The following CASK variants were observed in gnomAD, a reference collection of about 807,000 sequenced individuals.
CASK encodes the protein peripheral plasma membrane protein CASK.
CASK carries 4 observed loss-of-function variants against 82.9 expected under a neutral mutation model. The ratio of observed to expected loss-of-function variants is 0.05; its 90% CI spans 0.02 to 0.11. The LOEUF is 0.11. Ranked by LOEUF, CASK falls within the 10% of genes least tolerant of loss-of-function variation. The probability of loss-of-function intolerance (pLI) is 1.00; values close to 1 mark genes in which losing one functional copy is unlikely to be tolerated. For synonymous variants in CASK, 259 were observed against 253.5 expected, an observed-to-expected ratio of 1.02 and a Z score of -0.20; for missense variants, 358 against 720.9, an observed-to-expected ratio of 0.50 and a Z score of 5.76.
chrX:41,610,955 T>C (rs2066035346), intron 11 of CASK, among the ~76,000 whole-genome samples: 1 of 112,477 alleles, frequency 8.9e-6, no homozygotes, highest in East Asian at 2.8e-4. Context: ...ACTCTAAGAA[T>C]AAGTGTCTCA....
chrX:41,570,453 T>C lies in CASK; in HGVS notation c.1504-707A>G, dbSNP rs767581012. 3.6e-5 allele frequency among the ~76,000 whole-genome samples: 4 copies of C among 112,005 alleles called. 1 individual carries two copies. The East Asian group carries it at 1.1e-3, about 31-fold the overall frequency. On this transcript the variant is annotated intron_variant, in intron 15 of 26. Coordinates refer to ENST00000378163, the MANE Select transcript of CASK (RefSeq NM_001367721.1). Reference sequence around the variant, plus strand: ...TATTTAAAGTGTACAATTTGATAAGTTTGACATATGTATGAAACTATGGCC... The same window carrying C: ...TATTTAAAGTGTACAATTTGATAAGCTTGACATATGTATGAAACTATGGCC...
At chrX:41,894,281 C>G (rs763049939) in intron 1 of CASK, among the ~76,000 whole-genome samples, 1 of 110,561 alleles carries the variant, frequency 9.0e-6, no homozygotes, top group East Asian at 2.8e-4. Flanking sequence ...GACTCAACAG[C>G]AAGTTTAAGT....
At chrX:41,696,943 C>T in intron 5 of CASK, 1 of 347,016 alleles carries the variant, frequency 2.9e-6, no homozygotes, top group Non-Finnish European at 5.1e-6. Flanking sequence ...AAGGTACTAA[C>T]TTTTAAATCT....
rs1220565120 is a variant in CASK at position 41,743,519 on chromosome X, C to T, written c.356+2005G>A. 7.0e-5 allele frequency: 20 copies of T among 285,836 alleles called. No homozygotes were observed. The East Asian group carries it at 7.9e-4, about 11-fold the overall frequency. 23.6% of individuals were successfully genotyped at this position (285,836 alleles called of 1,213,427 possible). A position where few individuals can be genotyped will look rare whatever the true frequency, so the allele number is the denominator to read the frequency against. On this transcript the variant is annotated intron_variant, in intron 4 of 26. Coordinates refer to ENST00000378163, the MANE Select transcript of CASK (RefSeq NM_001367721.1). ...ACACATAAACTTTCATTTGCTCCTTCGCCCTAGCCCCAGCAGTACAAAAAC... is the reference window on the plus strand; with the variant it reads ...ACACATAAACTTTCATTTGCTCCTTTGCCCTAGCCCCAGCAGTACAAAAAC...
chrX:41,647,004 C>T, intron 8 of CASK, among the ~76,000 whole-genome samples: 1 of 111,713 alleles, frequency 9.0e-6, no homozygotes, highest in Middle Eastern at 4.6e-3. Context: ...TATCATAGGC[C>T]TAATTACTGT....
At chrX:41,614,367 T>C (rs1283483230) in intron 11 of CASK, among the ~76,000 whole-genome samples, 1 of 112,012 alleles carries the variant, frequency 8.9e-6, no homozygotes, top group Non-Finnish European at 1.9e-5. Context: ...AAAAATAAAA[T>C]AAAATAAAAT....
intron 22 of CASK, among the ~76,000 whole-genome samples, chrX:41,537,818 TTTATTATTATTATTATTA>T (rs55857120): frequency 1.0e-5 from 1 of 95,384 alleles, no homozygotes; most frequent in African/African-American, 3.7e-5. Context: ...GCCTATTACT[TTTATTATTATTATTATTA>T]TTATTATTAT....
chrX:41,759,590 G>A (rs983718752), intron 3 of CASK, among the ~76,000 whole-genome samples: 32 of 111,196 alleles, frequency 2.9e-4, no homozygotes, highest in African/African-American at 9.8e-4. Context: ...GAGAGTTCAG[G>A]TGTTGGGATG....
At chrX:41,723,861 A>AT (rs1286394912) in intron 5 of CASK, among the ~76,000 whole-genome samples, 1 of 112,271 alleles carries the variant, frequency 8.9e-6, no homozygotes, top group Non-Finnish European at 1.9e-5. Flanking sequence ...GTTTGCACCA[A>AT]TATTTGTATT....
At chrX:41,790,287 G>A in intron 2 of CASK, 1 of 634,427 alleles carries the variant, frequency 1.6e-6, no homozygotes, top group Non-Finnish European at 2.1e-6. Flanking sequence ...GGCTGGTCTT[G>A]AACTCCTGAC....
intron 5 of CASK, among the ~76,000 whole-genome samples, chrX:41,700,602 CAGGGT>C: frequency 1.2e-5 from 1 of 82,759 alleles, no homozygotes; most frequent in Non-Finnish European, 2.2e-5. Context: ...TTTTTTGAGA[CAGGGT>C]CTCACTCTGT....
At chrX:41,619,317 T>A (rs550639423) in intron 11 of CASK, among the ~76,000 whole-genome samples, 5 of 109,706 alleles carry the variant, frequency 4.6e-5, no homozygotes, top group African/African-American at 1.7e-4. Flanking sequence ...TTTTTTTTTT[T>A]AAATAGAGAT....
chrX:41,534,821 A>T, intron 23 of CASK, 35 bp from the exon 24 acceptor site: 7 of 1,157,401 alleles, frequency 6.0e-6, no homozygotes, highest in Non-Finnish European at 8.3e-6. Flanking sequence ...GTTAAAACTG[A>T]CAACTCTTAA....
At chrX:41,649,345 T>A (rs1170968444) in intron 8 of CASK, among the ~76,000 whole-genome samples, 1 of 111,957 alleles carries the variant, frequency 8.9e-6, no homozygotes, top group Non-Finnish European at 1.9e-5. Context: ...AATTGTGATG[T>A]TAGGGTGTCA....
chrX:41,787,550 C>CAAAA (rs778064917), intron 2 of CASK, among the ~76,000 whole-genome samples: 3 of 39,712 alleles, frequency 7.6e-5, no homozygotes, highest in Non-Finnish European at 1.0e-4. Context: ...TCCCCAAAAG[C>CAAAA]AAAAAAAAAA....
rs753066892 is a variant in CASK, at chrX:41,674,929, CA to C, written c.430-3400del. On this transcript the variant is annotated intron_variant, in intron 5 of 26. Coordinates refer to ENST00000378163, the MANE Select transcript of CASK (RefSeq NM_001367721.1). ...CAGCACATGCATGTTAGGCAAGTAT[CA>C]AAAAAAAAATCACAAAAGCAAAAAA... Among the ~76,000 whole-genome samples, 911 of 100,811 alleles carry C rather than the reference CA, an allele frequency of 9.0e-3. 19 individuals carry two copies. The highest frequency in any genetic ancestry group is 0.031 in the African/African-American group (861 of 27,658). The allele number at this position is 100,811 out of a possible 115,157, so 87.5% of individuals were successfully genotyped here.
At chrX:41,887,815 CTAGG>C (rs772182791) in intron 1 of CASK, among the ~76,000 whole-genome samples, 10 of 110,105 alleles carry the variant, frequency 9.1e-5, no homozygotes, top group African/African-American at 3.3e-4. Flanking sequence ...TCAGCTAATT[CTAGG>C]TGAAGAAACG....
chrX:41,566,408 T>C (rs1213224822), intron 16 of CASK, among the ~76,000 whole-genome samples: 1 of 111,682 alleles, frequency 9.0e-6, no homozygotes, highest in Non-Finnish European at 1.9e-5. Flanking sequence ...AAAATCAATG[T>C]GCAAAAATCA....
chrX:41,860,057 T>C (rs1462481318), intron 1 of CASK, among the ~76,000 whole-genome samples: 1 of 111,513 alleles, frequency 9.0e-6, no homozygotes, highest in African/African-American at 3.3e-5. Flanking sequence ...TGTGTATTCA[T>C]ATTAAAATAT....
Sources: allele counts gnomAD v4.1 joint callset (sites outside exome capture counted in the v4.1 genomes callset), GRCh38; gene constraint gnomAD v4.1.1; transcripts MANE v1.5; gene names NCBI Gene and HGNC (gene_info 2026-07-23, HGNC 2026-07-21).